The following HDAC2 variants were observed in gnomAD, a reference collection of about 807,000 sequenced individuals.
HDAC2 encodes histone deacetylase 2.
HDAC2 carries 5 observed loss-of-function variants against 68.5 expected under a neutral mutation model. The observed-to-expected ratio is 0.07, with a 90% CI of 0.04 to 0.15. The LOEUF (loss-of-function observed/expected upper bound fraction) is 0.15, where lower values mean the gene tolerates loss of function less well. Among genes scored for constraint, HDAC2 ranks in the 10% least tolerant of loss-of-function variants. HDAC2 has a pLI of 1.00. For synonymous variants in HDAC2, 182 were observed against 191.3 expected (o/e 0.95, Z 0.40); for missense variants, 291 against 600.8 (o/e 0.48, Z 5.39).
intron 6 of HDAC2, among the ~76,000 whole-genome samples, chr6:113,951,489 GC>G (rs1411279018): frequency 2.5e-5 from 2 of 81,420 alleles, no homozygotes; most frequent in Non-Finnish European, 4.7e-5. Context: ...TTTTTTTTTG[GC>G]TGAGTCTTGC....
intron 1 of HDAC2, among the ~76,000 whole-genome samples, chr6:113,965,537 T>G (rs1161451267): frequency 6.6e-6 from 1 of 151,868 alleles, no homozygotes; most frequent in Non-Finnish European, 1.5e-5. Context: ...CCCAGCTAAC[T>G]TTTTTTTGTA....
rs1771232599 is a variant in HDAC2, at chr6:113,971,121, G to A, written c.-213C>T. 1.3e-6 allele frequency: 2 copies of A among 1,544,532 alleles called. No homozygotes were observed. Among genetic ancestry groups the A allele is most frequent in the East Asian group, 2.5e-5 (1 of 40,658 alleles). ...GTGCCGAAAGCTCGGAATCGGAGGT[G>A]GCAGCGGCACCAACTCGCGAGGAGG... On this transcript the variant is annotated 5_prime_UTR_variant, in exon 1 of 14. Coordinates refer to ENST00000519065, the MANE Select transcript of HDAC2 (RefSeq NM_001527.4).
In HDAC2 at chr6:113,938,992, GAACAT is replaced by G. The variant is rs1776066061; in HGVS notation, c.*2061_*2065del. On this transcript the variant is annotated 3_prime_UTR_variant, in exon 14 of 14. Coordinates refer to ENST00000519065, the MANE Select transcript of HDAC2 (RefSeq NM_001527.4). The stretch of plus-strand genomic sequence containing the variant: ...ACAATTTCAGTATGTTCACACAATG[GAACAT>G]AATACATAGCAGTCAAAATGAACTA... 1 of 152,068 alleles carries G rather than the reference GAACAT, an allele frequency of 6.6e-6. No individual in the cohort carries two copies. The highest frequency in any genetic ancestry group is 2.4e-5 in the African/African-American group (1 of 41,400). 9.4% of individuals were successfully genotyped at this position (152,068 alleles called of 1,614,324 possible).
intron 1 of HDAC2, chr6:113,970,530 C>T: frequency 8.3e-7 from 1 of 1,201,936 alleles, no homozygotes; most frequent in Non-Finnish European, 1.0e-6. Context: ...GGGCCGCCCC[C>T]TTCGCCGCCG....
chr6:113,959,820 A>T (rs1337978259), intron 2 of HDAC2, 86 bp downstream of exon 2: 5 of 676,408 alleles, frequency 7.4e-6, no homozygotes, highest in Non-Finnish European at 1.3e-5. Flanking sequence ...AATGCCCTCA[A>T]AAGGGGAATA....
chr6:113,964,593 T>G (rs1369254152), intron 1 of HDAC2, among the ~76,000 whole-genome samples: 1 of 152,172 alleles, frequency 6.6e-6, no homozygotes, highest in Non-Finnish European at 1.5e-5. Flanking sequence ...CTAAATTCTC[T>G]TCTCTCGGGA....
In HDAC2 at chr6:113,944,429, G is replaced by A. The variant is rs1444267243; in HGVS notation, c.1092-19C>T. 6.2e-7 allele frequency: 1 copy of A among 1,601,028 alleles called. No homozygotes were observed. Among genetic ancestry groups the A allele is most frequent in the Non-Finnish European group, 8.5e-7 (1 of 1,172,988 alleles). Reference sequence around the variant, plus strand: ...ACGCTGTCTAAATTACACATGCAAAGTTTATTAGACAAAATTAAATTTCTT... The same window carrying A: ...ACGCTGTCTAAATTACACATGCAAAATTTATTAGACAAAATTAAATTTCTT... On this transcript the variant is annotated intron_variant, in intron 10 of 13. Transcript: ENST00000519065.
At chr6:113,970,628 G>A in intron 1 of HDAC2, 1 of 1,341,200 alleles carries the variant, frequency 7.5e-7, no homozygotes. Context: ...GGGAGAGGCA[G>A]GAGACAAGAC....
At position 113,962,722 on chromosome 6, in the gene HDAC2, G is replaced by A. The variant is rs1343121681; in HGVS notation, c.53-2704C>T. Among the ~76,000 whole-genome samples, 5 of 151,998 alleles carry A rather than the reference G, an allele frequency of 3.3e-5. No homozygotes were observed. The South Asian group carries it at 8.3e-4, about 25-fold the overall frequency. ...CTCACACCCGTAATCCCAGTACTTC[G>A]GGAGGCCGAGGCGGGCAGATCACGA... On this transcript the variant is annotated intron_variant, in intron 1 of 13. Coordinates refer to ENST00000519065, the MANE Select transcript of HDAC2 (RefSeq NM_001527.4).
chr6:113,959,122 A>C (rs1434130848), intron 2 of HDAC2, among the ~76,000 whole-genome samples: 1 of 152,080 alleles, frequency 6.6e-6, no homozygotes, highest in African/African-American at 2.4e-5. Flanking sequence ...GAAATCACTC[A>C]CTACAAGAGT....
Position 113,953,407 on chromosome 6 carries a change from C to T in HDAC2, c.509G>A (p.Arg170Lys). The T allele has an allele frequency of 6.4e-7, 1 of 1,570,010 alleles. No homozygotes were observed. The highest frequency in any genetic ancestry group is 8.7e-7 in the Non-Finnish European group (1 of 1,146,322). The change falls in exon 6 of 14, where the codon AGA (arginine) becomes AAA (lysine). Residue 170 changes from arginine (R) to lysine (K), a missense_variant. Around this residue, in one of 2 missense-constraint regions of HDAC2, gnomAD observed 154 missense variants for 472.1 expected, o/e 0.33. Coordinates refer to ENST00000519065, the MANE Select transcript of HDAC2 (RefSeq NM_001527.4). Reference sequence around the variant, plus strand: ...AATATCTATATCAATATATAAGACTCTCTGATGATACCTGAAAACAAATCC... The same window carrying T: ...AATATCTATATCAATATATAAGACTTTCTGATGATACCTGAAAACAAATCC... Reference protein sequence around the residue: ...AILELLKYHQRVLYIDIDIHH... With the variant: ...AILELLKYHQKVLYIDIDIHH...
At chr6:113,957,503 A>G (rs1018487080) in intron 3 of HDAC2, among the ~76,000 whole-genome samples, 1 of 149,134 alleles carries the variant, frequency 6.7e-6, no homozygotes, top group Non-Finnish European at 1.5e-5. Context: ...TTTTTTGGAG[A>G]CAGAGTCTCA....
chr6:113,950,868 G>A (rs1228624448), intron 6 of HDAC2, among the ~76,000 whole-genome samples: 1 of 152,068 alleles, frequency 6.6e-6, no homozygotes, highest in Non-Finnish European at 1.5e-5. Flanking sequence ...TTAGAGTTAT[G>A]AGACCCAACA....
At chr6:113,953,207 C>G in intron 6 of HDAC2, 70 bp downstream of exon 6, 2 of 1,100,534 alleles carry the variant, frequency 1.8e-6, no homozygotes, top group Non-Finnish European at 1.3e-6. Flanking sequence ...AAAAATACTA[C>G]TTCAAGTATA....
chr6:113,956,951 T>C (rs1031120113), intron 3 of HDAC2: 7 of 349,380 alleles, frequency 2.0e-5, no homozygotes, highest in South Asian at 5.6e-5. Flanking sequence ...AAGAACTCAA[T>C]AGTTGTCTAA....
At chr6:113,963,228 C>T (rs1218383139) in intron 1 of HDAC2, among the ~76,000 whole-genome samples, 5 of 151,664 alleles carry the variant, frequency 3.3e-5, no homozygotes, top group African/African-American at 9.7e-5. Flanking sequence ...GGATTACAAG[C>T]GCCCACCACC....
intron 1 of HDAC2, 51 bp from the exon 2 acceptor site, chr6:113,960,069 G>T (rs1776644553): frequency 3.4e-6 from 3 of 880,520 alleles, no homozygotes; most frequent in East Asian, 2.4e-5. Context: ...GACCCTCCAT[G>T]AACTATTTGA....
intron 1 of HDAC2, chr6:113,970,452 T>C: frequency 9.5e-7 from 1 of 1,047,852 alleles, no homozygotes; most frequent in East Asian, 8.2e-5. Context: ...GTCGAGGGGG[T>C]AGGAGGCCGA....
chr6:113,956,621 A>G lies in HDAC2; in HGVS notation c.356T>C (p.Val119Ala). 1 of 1,609,428 alleles carries G rather than the reference A, an allele frequency of 6.2e-7. No individual in the cohort carries two copies. The highest frequency in any genetic ancestry group is 8.5e-7 in the Non-Finnish European group (1 of 1,175,794). Residue 119 changes from valine (V) to alanine (A), a missense_variant and splice_region_variant, in exon 4 of 14, where the codon GTT becomes GCT. By Grantham distance (64) the Val-to-Ala change is moderately conservative. Coordinates refer to ENST00000519065, the MANE Select transcript of HDAC2 (RefSeq NM_001527.4). ...AATCTGATTGCATTAGCACTTACCA[A>G]CTGAACCGCCAGTTGAGAGCTGACA... ...EFCQLSTGGSVAGAVKLNRQQ... is the reference protein window; with the variant it reads ...EFCQLSTGGSAAGAVKLNRQQ...
Sources: allele counts gnomAD v4.1 joint callset (sites outside exome capture counted in the v4.1 genomes callset), GRCh38; gene constraint gnomAD v4.1.1; regional missense constraint gnomAD v4.1.1; transcripts MANE v1.5; gene names NCBI Gene and HGNC (gene_info 2026-07-23, HGNC 2026-07-21).